The following TUSC3 variants were observed in gnomAD, a reference collection of about 807,000 sequenced individuals.
TUSC3 encodes tumor suppressor candidate 3.
A neutral mutation model predicts 44.8 loss-of-function variants in TUSC3; 45 were observed. The ratio of observed to expected loss-of-function variants is 1.00; its 90% CI spans 0.79 to 1.29. The LOEUF (loss-of-function observed/expected upper bound fraction) is 1.29. TUSC3 is among the 50% of genes most tolerant of loss of function. The probability of loss-of-function intolerance (pLI) is 0.00; values close to 1 mark genes in which losing one functional copy is unlikely to be tolerated. For synonymous variants in TUSC3, 212 were observed against 152.9 expected (o/e 1.39, Z -2.85); for missense variants, 519 against 437.9 (o/e 1.19, Z -1.65).
intron 2 of TUSC3, among the ~76,000 whole-genome samples, chr8:15,491,680 G>A (rs1467481678): frequency 1.3e-5 from 2 of 152,162 alleles, no homozygotes; most frequent in African/African-American, 2.4e-5. Context: ...ACAAGGAAGA[G>A]GCTGGAGAAA....
At chr8:15,567,051 T>C (rs1585108549) in intron 1 of TUSC3, among the ~76,000 whole-genome samples, 1 of 152,132 alleles carries the variant, frequency 6.6e-6, no homozygotes, top group African/African-American at 2.4e-5. Context: ...TGCAACAAAT[T>C]CTAGTCATGG....
chr8:15,631,389 T>C (rs568740218), intron 2 of TUSC3, among the ~76,000 whole-genome samples: 58 of 152,272 alleles, frequency 3.8e-4, no homozygotes, highest in African/African-American at 1.4e-3. Flanking sequence ...CTTGAATTCT[T>C]TTCTATATTC....
intron 1 of TUSC3, among the ~76,000 whole-genome samples, chr8:15,617,083 A>G (rs1425124666): frequency 3.4e-5 from 5 of 147,624 alleles, no homozygotes; most frequent in Non-Finnish European, 6.0e-5. Flanking sequence ...CCACTCACTC[A>G]TACAAGTCTA....
At chr8:15,454,838 G>T (rs1165176452) in intron 1 of TUSC3, among the ~76,000 whole-genome samples, 1 of 152,078 alleles carries the variant, frequency 6.6e-6, no homozygotes, top group African/African-American at 2.4e-5. Context: ...CCATTTCCTT[G>T]CATGTATATT....
intron 6 of TUSC3, among the ~76,000 whole-genome samples, chr8:15,695,479 G>T (rs772927859): frequency 1.3e-5 from 2 of 152,098 alleles, no homozygotes; most frequent in Non-Finnish European, 2.9e-5. Flanking sequence ...CCCAGGCTTG[G>T]GTGTGTCTTT....
intron 2 of TUSC3, among the ~76,000 whole-genome samples, chr8:15,505,870 G>T (rs986404042): frequency 2.6e-5 from 4 of 152,000 alleles, no homozygotes; most frequent in African/African-American, 9.7e-5. Flanking sequence ...CCTGTACTTG[G>T]ATACAGAATC....
rs540135241 is a variant in TUSC3 at position 15,445,934 on chromosome 8, G to A, written n.91+28629G>A. ...GCGCCCCCCACCTTCCGGACGGGGC[G>A]GCTGGCCGGACGGGGGCTGCCCCCC... On this transcript the variant is annotated intron_variant and non_coding_transcript_variant, in intron 1 of 5. Transcript: ENST00000503191. 7.5e-3 allele frequency among the ~76,000 whole-genome samples: 1,130 copies of A among 150,288 alleles called. 16 individuals carry two copies. Among genetic ancestry groups the A allele is most frequent in the African/African-American group, 0.026 (1,055 of 40,870 alleles).
At chr8:15,575,302 T>C (rs1001683875) in intron 1 of TUSC3, among the ~76,000 whole-genome samples, 4 of 152,192 alleles carry the variant, frequency 2.6e-5, no homozygotes, top group Non-Finnish European at 5.9e-5. Flanking sequence ...TGTATTAAGA[T>C]TCCTCAGTGA....
chr8:15,813,391 A>AAC, the TUSC3 span, among the ~76,000 whole-genome samples: 7,791 of 145,012 alleles, frequency 0.054, 555 homozygotes, highest in African/African-American at 0.17. Flanking sequence ...CAAACAAACA[A>AAC]AAAAAAAAAC....
intron 6 of TUSC3, among the ~76,000 whole-genome samples, chr8:15,677,687 G>C (rs1419381753): frequency 1.3e-5 from 2 of 152,240 alleles, no homozygotes; most frequent in Non-Finnish European, 2.9e-5. Flanking sequence ...ATAAGGCAAA[G>C]AGGGAAGGTG....
At position 15,652,446 on chromosome 8, in the gene TUSC3, C is replaced by CT. The variant is rs550621410; in HGVS notation, c.426+1635dup. 2.0e-3 allele frequency among the ~76,000 whole-genome samples: 298 copies of CT among 152,132 alleles called. 2 individuals carry two copies. Among genetic ancestry groups the CT allele is most frequent in the Middle Eastern group, 6.8e-3 (2 of 294 alleles). Reference sequence around the variant, plus strand: ...TTTATTTTGCCTTTTTAGGATATTTCTTTATATTCATCTATTCAGCAAATA... The same window carrying CT: ...TTTATTTTGCCTTTTTAGGATATTTCTTTTATATTCATCTATTCAGCAAATA... On this transcript the variant is annotated intron_variant, in intron 3 of 10. Transcript: ENST00000503731.
chr8:15,434,117 C>T (rs1799914515), intron 1 of TUSC3, among the ~76,000 whole-genome samples: 1 of 152,056 alleles, frequency 6.6e-6, no homozygotes, highest in African/African-American at 2.4e-5. Context: ...TTTGCTAATC[C>T]TTAGTATTAT....
At chr8:15,767,488 A>T (rs1812364031), downstream of TUSC3, among the ~76,000 whole-genome samples, 1 of 152,224 alleles carries the variant, frequency 6.6e-6, no homozygotes. Flanking sequence ...TTTTAAAAAA[A>T]AAAGTTTACC....
intron 1 of TUSC3, among the ~76,000 whole-genome samples, chr8:15,450,767 T>C (rs1800187735): frequency 6.6e-6 from 1 of 152,162 alleles, no homozygotes; most frequent in Non-Finnish European, 1.5e-5. Flanking sequence ...GAGATCTGAA[T>C]TGAATGTAAA....
intron 1 of TUSC3, among the ~76,000 whole-genome samples, chr8:15,549,304 G>A (rs1273431634): frequency 2.0e-5 from 3 of 151,702 alleles, no homozygotes; most frequent in African/African-American, 7.2e-5. Flanking sequence ...CACCTGAGGA[G>A]CTGGGATTAC....
At chr8:15,698,905 G>A (rs1176260366) in intron 6 of TUSC3, among the ~76,000 whole-genome samples, 1 of 151,096 alleles carries the variant, frequency 6.6e-6, no homozygotes, top group Non-Finnish European at 1.5e-5. Flanking sequence ...GAGTTCAGTG[G>A]CGTGATCACA....
intron 2 of TUSC3, among the ~76,000 whole-genome samples, chr8:15,534,643 TA>T (rs11385742): frequency 1.6e-3 from 203 of 129,890 alleles, no homozygotes; most frequent in Middle Eastern, 3.8e-3. Context: ...ACTCGGTCTT[TA>T]AAAAAAAAAA....
At position 15,623,292 on chromosome 8, in the gene TUSC3, G is replaced by T. The variant is rs770528571; in HGVS notation, c.308+43G>T. 7 of 1,497,378 alleles carry T rather than the reference G, an allele frequency of 4.7e-6. No individual in the cohort carries two copies. The African/African-American group carries it at 5.7e-5, about 12-fold the overall frequency. 92.8% of individuals were successfully genotyped at this position (1,497,378 alleles called of 1,614,324 possible). A position where few individuals can be genotyped will look rare whatever the true frequency, so the allele number is the denominator to read the frequency against. On this transcript the variant is annotated intron_variant, in intron 2 of 10. Coordinates refer to ENST00000503731, the MANE Select transcript of TUSC3 (RefSeq NM_006765.4). ...AAAATATTAAAAACTATTATTCTTG[G>T]TTTACATATATATTTTTATGTTCAT... is the stretch of plus-strand genomic sequence containing the variant.
At chr8:15,576,373 A>T (rs1279957578) in intron 1 of TUSC3, among the ~76,000 whole-genome samples, 3 of 146,338 alleles carry the variant, frequency 2.1e-5, no homozygotes, top group African/African-American at 7.6e-5. Context: ...GGTTAGTTAC[A>T]TATGTATACA....
Sources: gnomAD v4.1 joint callset for allele counts (sites outside exome capture counted in the v4.1 genomes callset) on GRCh38, gnomAD v4.1.1 for gene constraint, MANE v1.5 for transcripts, NCBI Gene and HGNC (gene_info 2026-07-23, HGNC 2026-07-21) for gene names.